The following MACF1 variants were observed in gnomAD, a reference collection of about 807,000 sequenced individuals.
MACF1 encodes microtubule-actin cross-linking factor 1.
MACF1 carries 193 observed loss-of-function variants against 854.8 expected under a neutral mutation model. That is an observed-to-expected ratio of 0.23 (90% CI 0.20 to 0.25). The LOEUF is 0.25. Among genes scored for constraint, MACF1 ranks in the 10% least tolerant of loss-of-function variants. The pLI, the probability that MACF1 is intolerant of heterozygous loss-of-function variation, is 1.00. For synonymous variants in MACF1, 3,185 were observed against 3,226.7 expected, an observed-to-expected ratio of 0.99 and a Z score of 0.44; for missense variants, 7,722 against 8,929.1, an observed-to-expected ratio of 0.86 and a Z score of 5.45.
At chr1:39,430,979 A>G (rs1440999999) in intron 66 of MACF1, 71 bp downstream of exon 66, 1 of 1,311,390 alleles carries the variant, frequency 7.6e-7, no homozygotes, top group Non-Finnish European at 1.1e-6. Context: ...ACTATGACCC[A>G]CATAAATACA....
chr1:39,398,355 C>T (rs1470973611), intron 58 of MACF1, among the ~76,000 whole-genome samples: 1 of 151,926 alleles, frequency 6.6e-6, no homozygotes, highest in Non-Finnish European at 1.5e-5. Flanking sequence ...CCAAGGCCGG[C>T]CTTGAACTCC....
At chr1:39,188,581 A>G (rs1202326296) in intron 2 of MACF1, among the ~76,000 whole-genome samples, 1 of 152,144 alleles carries the variant, frequency 6.6e-6, no homozygotes, top group East Asian at 1.9e-4. Flanking sequence ...AAGTGGAGCA[A>G]TTGGCCAGTC....
At chr1:39,410,408 T>C (rs768917931) in intron 58 of MACF1, 4 of 1,613,974 alleles carry the variant, frequency 2.5e-6, no homozygotes, top group East Asian at 2.2e-5. Context: ...AATGAGCAAA[T>C]TGACCAGGGG....
At chr1:39,144,080 CTT>C (rs1430433191) in intron 2 of MACF1, among the ~76,000 whole-genome samples, 3 of 107,606 alleles carry the variant, frequency 2.8e-5, no homozygotes, top group Admixed American at 1.0e-4. Context: ...AGCCACGGCG[CTT>C]TTTTTTTTTT....
At chr1:39,386,462 C>G (rs970294263) in intron 57 of MACF1, among the ~76,000 whole-genome samples, 2 of 148,544 alleles carry the variant, frequency 1.3e-5, no homozygotes, top group African/African-American at 5.0e-5. Flanking sequence ...GACAGAGTCT[C>G]ACTCTGTTGC....
intron 61 of MACF1, among the ~76,000 whole-genome samples, chr1:39,426,786 G>A (rs1320370903): frequency 6.6e-6 from 1 of 151,900 alleles, no homozygotes; most frequent in Non-Finnish European, 1.5e-5. Context: ...TTTGGGGGGG[G>A]TGCTTTTTGT....
At chr1:39,399,723 A>G (rs1642406449) in intron 58 of MACF1, among the ~76,000 whole-genome samples, 1 of 152,180 alleles carries the variant, frequency 6.6e-6, no homozygotes, top group African/African-American at 2.4e-5. Flanking sequence ...TGATCTCTTA[A>G]TCATTTACAA....
chr1:39,292,101 A>G, intron 16 of MACF1, 63 bp downstream of exon 16: 2 of 1,587,248 alleles, frequency 1.3e-6, no homozygotes, highest in Non-Finnish European at 1.7e-6. Context: ...AAAGGACAGT[A>G]CACACAATAA....
In MACF1 at chr1:39,387,438, C is replaced by T. The variant is rs750893377; in HGVS notation, c.14596C>T (p.Pro4866Ser). The change falls in exon 58 of 101, where the codon CCT becomes TCT. Residue 4866 changes from proline (P) to serine (S), a missense_variant. Transcript: ENST00000564288. Reference sequence around the variant, plus strand: ...GGAATCTCTACTTCTTTCTGTACCTCCTGGAGAAGAGAAAAGGACTCTACA... The same window carrying T: ...GGAATCTCTACTTCTTTCTGTACCTTCTGGAGAAGAGAAAAGGACTCTACA... ...EGESLLLSVP[P>S]GEEKRTLQNQ... 1 of 1,614,170 alleles carries T rather than the reference C, an allele frequency of 6.2e-7. No homozygotes were observed. Among genetic ancestry groups the T allele is most frequent in the Non-Finnish European group, 8.5e-7 (1 of 1,180,038 alleles).
chr1:39,375,488 A>G (rs1273231199), intron 52 of MACF1, among the ~76,000 whole-genome samples: 1 of 152,112 alleles, frequency 6.6e-6, no homozygotes, highest in Non-Finnish European at 1.5e-5. Flanking sequence ...TTTTTAGTAG[A>G]GACAGGGTTT....
rs1187175512 is a variant in MACF1, at chr1:39,422,362, G to A, written c.15817-12G>A. The A allele has an allele frequency of 6.2e-7, 1 of 1,612,654 alleles. No homozygotes were observed. The highest frequency in any genetic ancestry group is 1.7e-5 in the Admixed American group (1 of 59,916). ...CTTTGTATTAAATCTTCTTTGGCTT[G>A]TAATTATCTAGATGTTTCAGAAAGA... On this transcript the variant is annotated splice_polypyrimidine_tract_variant and intron_variant, in intron 58 of 100. Coordinates refer to ENST00000564288, the MANE Select transcript of MACF1 (RefSeq NM_001394062.1).
At chr1:39,465,354 A>C (rs1644644559) in intron 95 of MACF1, among the ~76,000 whole-genome samples, 1 of 152,238 alleles carries the variant, frequency 6.6e-6, no homozygotes, top group African/African-American at 2.4e-5. Flanking sequence ...CTATGGTATC[A>C]GTCCATTACA....
At position 39,411,398 on chromosome 1, in the gene MACF1, G is replaced by T. The variant is rs759772623; in HGVS notation, c.15817-10976G>T. 8.1e-6 allele frequency: 13 copies of T among 1,613,934 alleles called. No individual in the cohort carries two copies. In the Admixed American group the frequency reaches 2.0e-4, roughly 25 times the overall value. Reference sequence around the variant, plus strand: ...GCAGTGGTGGAGGATGGATCCGATTGCTTAGCTGCTGTCTTGAGGACTTTT... The same window carrying T: ...GCAGTGGTGGAGGATGGATCCGATTTCTTAGCTGCTGTCTTGAGGACTTTT... On this transcript the variant is annotated intron_variant, in intron 58 of 100. Coordinates refer to ENST00000564288, the MANE Select transcript of MACF1 (RefSeq NM_001394062.1).
At chr1:39,196,925 AAAAT>A (rs1644326978) in intron 2 of MACF1, among the ~76,000 whole-genome samples, 1 of 152,232 alleles carries the variant, frequency 6.6e-6, no homozygotes. Flanking sequence ...AGGCAGATCT[AAAAT>A]CTTAATGAAG....
chr1:39,359,216 A>G lies in MACF1; in HGVS notation c.12196A>G (p.Ile4066Val). ...AAAAGTAGCTCGTGACATAATGGAAATTGAAGGGGAGCCAGCCCCAGACCA... is the reference window on the plus strand; with the variant it reads ...AAAAGTAGCTCGTGACATAATGGAAGTTGAAGGGGAGCCAGCCCCAGACCA... ...LQKVARDIME[I>V]EGEPAPDHRH... is the part of the protein sequence containing the mutation. Residue 4066 changes from isoleucine (I) to valine (V), a missense_variant, in exon 47 of 101, where the codon ATT becomes GTT. Transcript: ENST00000564288. 1 of 1,614,194 alleles carries G rather than the reference A, an allele frequency of 6.2e-7. No homozygotes were observed. The highest frequency in any genetic ancestry group is 1.3e-5 in the African/African-American group (1 of 75,040).
intron 2 of MACF1, 171 bp from the exon 3 acceptor site, chr1:39,249,843 A>G (rs1156551540): frequency 3.9e-6 from 2 of 506,970 alleles, no homozygotes; most frequent in East Asian, 3.3e-5. Flanking sequence ...AAGTATTATC[A>G]TTTCACATGT....
At chr1:39,266,619 T>TC (rs1557552605) in intron 6 of MACF1, among the ~76,000 whole-genome samples, 6 of 147,990 alleles carry the variant, frequency 4.1e-5, no homozygotes, top group Non-Finnish European at 8.9e-5. Flanking sequence ...TTTTTTTTTT[T>TC]CAGGTCTCCA....
chr1:39,320,837 G>A (rs1263321526), intron 31 of MACF1, among the ~76,000 whole-genome samples: 1 of 152,114 alleles, frequency 6.6e-6, no homozygotes, highest in Non-Finnish European at 1.5e-5. Flanking sequence ...GGATGTAGTG[G>A]TGTGCACCTG....
chr1:39,163,941 C>T (rs1643857099), intron 2 of MACF1, among the ~76,000 whole-genome samples: 1 of 152,126 alleles, frequency 6.6e-6, no homozygotes, highest in African/African-American at 2.4e-5. Flanking sequence ...AATTACTAGG[C>T]TCATATTTTG....
Sources: gnomAD v4.1 joint callset for allele counts (sites outside exome capture counted in the v4.1 genomes callset) on GRCh38, gnomAD v4.1.1 for gene constraint, MANE v1.5 for transcripts, NCBI Gene and HGNC (gene_info 2026-07-23, HGNC 2026-07-21) for gene names.